The following CSGALNACT1 variants were observed in gnomAD, a reference collection of about 807,000 sequenced individuals.
The protein encoded by CSGALNACT1 is chondroitin sulfate N-acetylgalactosaminyltransferase 1.
A neutral mutation model predicts 51.0 loss-of-function variants in CSGALNACT1; 52 were observed. That is an observed-to-expected ratio of 1.02 (90% CI 0.82 to 1.29). The LOEUF (loss-of-function observed/expected upper bound fraction) is 1.29, where lower values mean the gene tolerates loss of function less well. Among genes scored for constraint, CSGALNACT1 ranks in the 50% most tolerant of loss-of-function variants. The pLI is 0.00. For synonymous variants in CSGALNACT1, 341 were observed against 254.4 expected (o/e 1.34, Z -3.24); for missense variants, 935 against 679.2 (o/e 1.38, Z -4.19).
At chr8:19,452,076 G>C (rs996685945) in intron 5 of CSGALNACT1, among the ~76,000 whole-genome samples, 2 of 152,320 alleles carry the variant, frequency 1.3e-5, no homozygotes, top group South Asian at 4.1e-4. Context: ...ACCAATAAAT[G>C]ACCAATGAGG....
At chr8:19,638,753 G>A (rs543245334) in intron 1 of CSGALNACT1, among the ~76,000 whole-genome samples, 1 of 152,154 alleles carries the variant, frequency 6.6e-6, no homozygotes, top group African/African-American at 2.4e-5. Flanking sequence ...GCTAGAGACA[G>A]AGTGTCAATT....
chr8:19,686,340 C>T (rs1261755590), upstream of CSGALNACT1, among the ~76,000 whole-genome samples: 1 of 152,222 alleles, frequency 6.6e-6, no homozygotes, highest in Non-Finnish European at 1.5e-5. Flanking sequence ...AAAGCTCACT[C>T]TCACTTTATC....
intron 1 of CSGALNACT1, among the ~76,000 whole-genome samples, chr8:19,646,074 T>C (rs918651202): frequency 5.3e-5 from 8 of 152,154 alleles, no homozygotes; most frequent in Non-Finnish European, 8.8e-5. Context: ...AATAAGCCTA[T>C]TGAACGACAC....
chr8:19,482,126 C>T (rs1029697815), intron 4 of CSGALNACT1, among the ~76,000 whole-genome samples: 5 of 152,132 alleles, frequency 3.3e-5, no homozygotes. Flanking sequence ...CCGCTCCTAC[C>T]ATTTCCTTCC....
At chr8:19,520,025 G>T (rs771052270) in intron 3 of CSGALNACT1, among the ~76,000 whole-genome samples, 2 of 152,226 alleles carry the variant, frequency 1.3e-5, no homozygotes, top group Non-Finnish European at 2.9e-5. Context: ...TGTTTTGCTG[G>T]CGTGTTCTAG....
rs377451317 is a variant in CSGALNACT1 at position 19,436,136 on chromosome 8, T to C, written c.953+3694A>G. On this transcript the variant is annotated intron_variant, in intron 6 of 9. Coordinates refer to ENST00000454498, the Ensembl canonical transcript of CSGALNACT1. ...AACTAGGGAGAGAGAGTGTGAAATATTGCATACTGGTCACTAAACAAGATT... is the reference window on the plus strand; with the variant it reads ...AACTAGGGAGAGAGAGTGTGAAATACTGCATACTGGTCACTAAACAAGATT... Among the ~76,000 whole-genome samples the C allele has an allele frequency of 9.8e-5, 15 of 152,342 alleles. No individual in the cohort carries two copies. The East Asian group carries it at 1.3e-3, about 14-fold the overall frequency.
At chr8:19,501,267 A>G (rs2076371036) in intron 4 of CSGALNACT1, among the ~76,000 whole-genome samples, 1 of 151,630 alleles carries the variant, frequency 6.6e-6, no homozygotes, top group Non-Finnish European at 1.5e-5. Flanking sequence ...AAAAAAAAAA[A>G]AAGAATAAGG....
intron 3 of CSGALNACT1, among the ~76,000 whole-genome samples, chr8:19,531,080 A>C (rs951539542): frequency 3.3e-5 from 5 of 152,230 alleles, no homozygotes; most frequent in African/African-American, 9.7e-5. Flanking sequence ...CTATTACATG[A>C]AAACATCTTG....
chr8:19,676,485 C>A (rs527899475), intron 1 of CSGALNACT1, among the ~76,000 whole-genome samples: 12 of 152,244 alleles, frequency 7.9e-5, no homozygotes, highest in African/African-American at 2.9e-4. Context: ...CAAGAAAAGT[C>A]AGTACTTGAA....
intron 3 of CSGALNACT1, among the ~76,000 whole-genome samples, chr8:19,517,037 G>A (rs2079670011): frequency 1.3e-5 from 2 of 152,196 alleles, no homozygotes; most frequent in African/African-American, 2.4e-5. Flanking sequence ...TGATATGTGG[G>A]TGTAAGACGC....
chr8:19,667,470 C>T (rs1357237206), intron 1 of CSGALNACT1, among the ~76,000 whole-genome samples: 1 of 151,752 alleles, frequency 6.6e-6, no homozygotes, highest in East Asian at 1.9e-4. Flanking sequence ...TTCTATTCTA[C>T]CTTAGTGCTT....
chr8:19,510,115 G>T (rs2078186129), intron 3 of CSGALNACT1, among the ~76,000 whole-genome samples: 1 of 152,136 alleles, frequency 6.6e-6, no homozygotes, highest in Non-Finnish European at 1.5e-5. Context: ...ATTTTTAAAT[G>T]TTCATCCTTA....
chr8:19,714,569 A>T (rs576228919), intron 1 of CSGALNACT1, among the ~76,000 whole-genome samples: 82 of 151,656 alleles, frequency 5.4e-4, no homozygotes, highest in Admixed American at 1.1e-3. Flanking sequence ...CTTTTTAAAA[A>T]TTTTTTCTCT....
chr8:19,593,532 C>G (rs1312532888), intron 2 of CSGALNACT1, among the ~76,000 whole-genome samples: 3 of 152,214 alleles, frequency 2.0e-5, no homozygotes. Context: ...CTAGGGCCAT[C>G]TGCAGGTTCT....
At chr8:19,634,040 C>T (rs2055672870) in intron 1 of CSGALNACT1, among the ~76,000 whole-genome samples, 1 of 152,146 alleles carries the variant, frequency 6.6e-6, no homozygotes. Flanking sequence ...CCCATAAAGC[C>T]CCTCCTGGGA....
intron 1 of CSGALNACT1, among the ~76,000 whole-genome samples, chr8:19,753,151 C>A (rs1430328687): frequency 6.6e-6 from 1 of 152,162 alleles, no homozygotes; most frequent in Non-Finnish European, 1.5e-5. Context: ...TGAGGATAAG[C>A]CAAACTCTTG....
intron 1 of CSGALNACT1, among the ~76,000 whole-genome samples, chr8:19,663,081 A>T (rs553227834): frequency 6.6e-6 from 1 of 152,174 alleles, no homozygotes; most frequent in Non-Finnish European, 1.5e-5. Flanking sequence ...TGCGTTCCTC[A>T]TTAGTCATGA....
intron 4 of CSGALNACT1, among the ~76,000 whole-genome samples, chr8:19,487,190 C>G (rs575105180): frequency 3.9e-5 from 6 of 152,350 alleles, no homozygotes; most frequent in African/African-American, 1.4e-4. Flanking sequence ...TACTCACATT[C>G]TGCTCCAGAG....
At chr8:19,432,472 T>C (rs976410802) in intron 6 of CSGALNACT1, among the ~76,000 whole-genome samples, 2 of 152,206 alleles carry the variant, frequency 1.3e-5, no homozygotes, top group Admixed American at 6.5e-5. Context: ...ATGTTTTCCA[T>C]CAAATTTGAG....
Sources: gnomAD v4.1 joint callset for allele counts (sites outside exome capture counted in the v4.1 genomes callset) on GRCh38, gnomAD v4.1.1 for gene constraint, MANE v1.5 for transcripts, NCBI Gene and HGNC (gene_info 2026-07-23, HGNC 2026-07-21) for gene names.